The following ACOT12 variants were observed in gnomAD, a reference collection of about 807,000 sequenced individuals.
The protein encoded by ACOT12 is acyl-CoA thioesterase 12.
A neutral mutation model predicts 67.7 loss-of-function variants in ACOT12; 51 were observed. The observed-to-expected ratio is 0.75, with a 90% confidence interval of 0.60 to 0.95. The LOEUF (loss-of-function observed/expected upper bound fraction) is 0.95. Ranked by LOEUF, ACOT12 falls within the 40% of genes least tolerant of loss-of-function variation. The probability of loss-of-function intolerance (pLI) is 0.00; values close to 1 mark genes in which losing one functional copy is unlikely to be tolerated. For synonymous variants in ACOT12, 251 were observed against 244.6 expected (o/e 1.03, Z -0.24); for missense variants, 734 against 708.1 (o/e 1.04, Z -0.41).
chr5:81,360,249 G>A (rs185768094), intron 4 of ACOT12, among the ~76,000 whole-genome samples: 21 of 152,170 alleles, frequency 1.4e-4, no homozygotes, highest in African/African-American at 4.6e-4. Context: ...ATTTCTTCAT[G>A]CAATAAGATA....
intron 4 of ACOT12, among the ~76,000 whole-genome samples, chr5:81,363,478 C>A (rs1311666781): frequency 6.6e-6 from 1 of 152,154 alleles, no homozygotes; most frequent in Non-Finnish European, 1.5e-5. Flanking sequence ...ATGAAAAGCA[C>A]TAAACCAGTA....
intron 11 of ACOT12, among the ~76,000 whole-genome samples, chr5:81,337,919 T>C (rs577991761): frequency 6.6e-6 from 1 of 152,316 alleles, no homozygotes; most frequent in East Asian, 1.9e-4. Flanking sequence ...CAAGCTAAGT[T>C]GTAACCACCA....
At position 81,330,858 on chromosome 5, in the gene ACOT12, A is replaced by T. The variant is rs1230783736; in HGVS notation, c.1474T>A (p.Cys492Ser). 3 of 1,614,100 alleles carry T rather than the reference A, an allele frequency of 1.9e-6. No individual in the cohort carries two copies. Residue 492 changes from cysteine to serine, a missense_variant, in exon 14 of 15, where the codon TGT (cysteine) becomes AGT (serine). Physicochemically the swap from Cys to Ser is moderately radical, Grantham distance 112. Transcript: ENST00000307624. Reference protein sequence around the residue: ...SPQYIRSEIICAGFLIHAIDS... With the variant: ...SPQYIRSEIISAGFLIHAIDS... The stretch of plus-strand genomic sequence containing the variant: ...ATAGCATGGATGAGAAATCCGGCAC[A>T]TATGATTTCACTTCTGATGTACTGT...
At position 81,345,882 on chromosome 5, in the gene ACOT12, T is replaced by C. The variant is rs575207654; in HGVS notation, c.773+3A>G. On this transcript the variant is annotated splice_donor_region_variant and intron_variant, in intron 7 of 14. Coordinates refer to ENST00000307624, the MANE Select transcript of ACOT12 (RefSeq NM_130767.3). ...TTCATAGCAGCCTAAGGGCTCACTTTACCAGGTCTGAAATGTATTGTTGAC... is the reference window on the plus strand; with the variant it reads ...TTCATAGCAGCCTAAGGGCTCACTTCACCAGGTCTGAAATGTATTGTTGAC... The C allele has an allele frequency of 6.2e-7, 1 of 1,613,716 alleles. No individual in the cohort carries two copies. The highest frequency in any genetic ancestry group is 1.3e-5 in the African/African-American group (1 of 75,048).
intron 8 of ACOT12, among the ~76,000 whole-genome samples, chr5:81,344,575 C>T (rs1178281757): frequency 6.6e-6 from 1 of 152,120 alleles, no homozygotes; most frequent in Non-Finnish European, 1.5e-5. Context: ...GAACCTGGCA[C>T]GTGGCACAGC....
At chr5:81,318,933 G>T in the ACOT12 span, among the ~76,000 whole-genome samples, 1 of 152,178 alleles carries the variant, frequency 6.6e-6, no homozygotes, top group African/African-American at 2.4e-5. Flanking sequence ...TGTTGGGGGA[G>T]AGCTCCAATT....
rs150549236 is a variant in ACOT12 at position 81,385,810 on chromosome 5, T to A, written c.144A>T (p.Gly48=). ...TACLAAEKHA[G]VSCVTASVDD... ...CCACTGAGGCTGTAACGCAGGAAACTCCAGCATGTTTCTCAGCTTCAAAAA... is the reference window on the plus strand; with the variant it reads ...CCACTGAGGCTGTAACGCAGGAAACACCAGCATGTTTCTCAGCTTCAAAAA... Residue 48 remains glycine (G), a synonymous_variant, in exon 2 of 15, where the codon GGA becomes GGT. Coordinates refer to ENST00000307624, the MANE Select transcript of ACOT12 (RefSeq NM_130767.3). The A allele has an allele frequency of 2.5e-6, 4 of 1,613,874 alleles. No individual in the cohort carries two copies. Among genetic ancestry groups the A allele is most frequent in the African/African-American group, 2.7e-5 (2 of 74,892 alleles).
intron 5 of ACOT12, among the ~76,000 whole-genome samples, chr5:81,355,264 C>T (rs74866925): frequency 0.022 from 3,400 of 152,272 alleles, 93 homozygotes; most frequent in African/African-American, 0.065. Flanking sequence ...TATGTAAGTA[C>T]CTTTATTATT....
At chr5:81,316,449 T>G in the ACOT12 span, among the ~76,000 whole-genome samples, 1 of 152,378 alleles carries the variant, frequency 6.6e-6, no homozygotes, top group Non-Finnish European at 1.5e-5. Flanking sequence ...ACATGATGTT[T>G]TCAAGATTCA....
chr5:81,336,952 T>G (rs1759023939), intron 11 of ACOT12, among the ~76,000 whole-genome samples: 1 of 152,298 alleles, frequency 6.6e-6, no homozygotes, highest in South Asian at 2.1e-4. Context: ...CCTCTCCAAT[T>G]GAACTTGGTT....
intron 4 of ACOT12, 57 bp from the exon 5 acceptor site, chr5:81,360,095 A>G: frequency 6.5e-7 from 1 of 1,549,634 alleles, no homozygotes; most frequent in Non-Finnish European, 8.7e-7. Context: ...AAAGCACAGC[A>G]TGAATTTTGC....
rs941168717 is a variant in ACOT12 at position 81,330,021 on chromosome 5, A to AT, written c.*372dup. On this transcript the variant is annotated 3_prime_UTR_variant, in exon 15 of 15. Coordinates refer to ENST00000307624, the MANE Select transcript of ACOT12 (RefSeq NM_130767.3). The stretch of plus-strand genomic sequence containing the variant: ...TTAGCAAATCATTTTAGATTTTATA[A>AT]TTTTTTTTTTGGAATTTCACACAGA... The AT allele has an allele frequency of 7.3e-4, 114 of 155,664 alleles. No homozygotes were observed. Among genetic ancestry groups the AT allele is most frequent in the Middle Eastern group, 3.1e-3 (1 of 324 alleles). The allele number at this position is 155,664 out of a possible 1,614,324, so 9.6% of individuals were successfully genotyped here.
At chr5:81,357,701 CA>C (rs1374021679) in intron 5 of ACOT12, among the ~76,000 whole-genome samples, 2 of 152,070 alleles carry the variant, frequency 1.3e-5, no homozygotes, top group African/African-American at 4.8e-5. Context: ...TAAACATGCA[CA>C]GATTTCAAAA....
chr5:81,346,008 G>A lies in ACOT12; in HGVS notation c.654-4C>T. 6.2e-7 allele frequency: 1 copy of A among 1,613,078 alleles called. No individual in the cohort carries two copies. Among genetic ancestry groups the A allele is most frequent in the Non-Finnish European group, 8.5e-7 (1 of 1,179,572 alleles). On this transcript the variant is annotated splice_polypyrimidine_tract_variant and splice_region_variant and intron_variant, in intron 6 of 14. Transcript: ENST00000307624. ...GGGATGAGCCCAACACAGGCGGCTG[G>A]GGAGACAAAGGGAGGGAGAGAGAAG... is the stretch of plus-strand genomic sequence containing the variant.
chr5:81,317,402 T>C, the ACOT12 span, among the ~76,000 whole-genome samples: 49 of 150,558 alleles, frequency 3.3e-4, no homozygotes, highest in African/African-American at 1.2e-3. Flanking sequence ...CTCAGGAGGC[T>C]GAGGCAGGAG....
intron 3 of ACOT12, among the ~76,000 whole-genome samples, chr5:81,370,491 C>T (rs1333262134): frequency 6.6e-6 from 1 of 152,122 alleles, no homozygotes; most frequent in Non-Finnish European, 1.5e-5. Flanking sequence ...TGGGGCAGGC[C>T]CCTAATCCAA....
intron 11 of ACOT12, among the ~76,000 whole-genome samples, chr5:81,336,237 A>G (rs1336762174): frequency 1.3e-5 from 2 of 152,122 alleles, no homozygotes; most frequent in South Asian, 2.1e-4. Flanking sequence ...CTACTGAGGA[A>G]AAAAAGAAAA....
At chr5:81,331,033 T>G in intron 13 of ACOT12, 93 bp from the exon 14 acceptor site, 1 of 1,376,448 alleles carries the variant, frequency 7.3e-7, no homozygotes, top group South Asian at 1.8e-5. Context: ...CTTATACAGG[T>G]AGAAGTGAAA....
intron 11 of ACOT12, among the ~76,000 whole-genome samples, chr5:81,336,341 G>A (rs555420314): frequency 7.5e-4 from 114 of 152,260 alleles, no homozygotes; most frequent in African/African-American, 2.2e-3. Flanking sequence ...GATGTCAGGC[G>A]TGTCTTTAAG....
Sources: gnomAD v4.1 joint callset for allele counts (sites outside exome capture counted in the v4.1 genomes callset) on GRCh38, gnomAD v4.1.1 for gene constraint, MANE v1.5 for transcripts, NCBI Gene and HGNC (gene_info 2026-07-23, HGNC 2026-07-21) for gene names.